Variants in C9orf85 observed in about 807,000 individuals in gnomAD.
The protein encoded by C9orf85 is uncharacterized protein C9orf85.
In C9orf85, 16 loss-of-function variants were observed where a neutral mutation model predicts 14.9. The observed-to-expected ratio is 1.08, with a 90% CI of 0.73 to 1.63. C9orf85 has a LOEUF of 1.63. Among genes scored for constraint, C9orf85 ranks in the 40% most tolerant of loss-of-function variants. The probability of loss-of-function intolerance (pLI) is 0.00; values close to 1 mark genes in which losing one functional copy is unlikely to be tolerated. For missense variants in C9orf85, 172 were observed against 186.1 expected, an observed-to-expected ratio of 0.92 and a Z score of 0.44; for synonymous variants, 45 against 56.8, an observed-to-expected ratio of 0.79 and a Z score of 0.93.
Position 71,915,183 on chromosome 9 carries a change from A to T in C9orf85, c.102+3347A>T, listed in dbSNP as rs868044040. On this transcript the variant is annotated intron_variant, in intron 1 of 3. Coordinates refer to ENST00000334731, the MANE Select transcript of C9orf85 (RefSeq NM_182505.5). ...GATCATTACAAAAATTATTATTATT[A>T]TTTTTTTTTTTTTTTTGAGACAGAG... is the stretch of plus-strand genomic sequence containing the variant. 3.6e-3 allele frequency among the ~76,000 whole-genome samples: 511 copies of T among 142,810 alleles called. 5 individuals are homozygous for T. Among genetic ancestry groups the T allele is most frequent in the African/African-American group, 0.012 (462 of 38,782 alleles). 93.7% of individuals were successfully genotyped at this position (142,810 alleles called of 152,430 possible).
At chr9:71,940,593 G>C (rs1821898456) in intron 1 of C9orf85, among the ~76,000 whole-genome samples, 1 of 152,154 alleles carries the variant, frequency 6.6e-6, no homozygotes, top group African/African-American at 2.4e-5. Context: ...TTCAAGTGCA[G>C]GAAATAATGT....
chr9:71,925,212 A>G (rs1000116613), intron 1 of C9orf85, among the ~76,000 whole-genome samples: 3 of 152,214 alleles, frequency 2.0e-5, no homozygotes, highest in Admixed American at 6.5e-5. Context: ...GGCTGACTGA[A>G]CATGTACTTA....
intron 2 of C9orf85, among the ~76,000 whole-genome samples, chr9:71,968,851 A>G (rs2132354819): frequency 6.6e-6 from 1 of 152,326 alleles, no homozygotes; most frequent in East Asian, 1.9e-4. Flanking sequence ...GTTGGACCAC[A>G]CAATCTAAGC....
intron 1 of C9orf85, among the ~76,000 whole-genome samples, chr9:71,934,221 G>A (rs1331714623): frequency 6.6e-6 from 1 of 152,076 alleles, no homozygotes; most frequent in Admixed American, 6.6e-5. Flanking sequence ...CCAGGCACCT[G>A]TAATCCCAGC....
At chr9:71,932,559 G>A (rs1027369831) in intron 1 of C9orf85, among the ~76,000 whole-genome samples, 1 of 152,098 alleles carries the variant, frequency 6.6e-6, no homozygotes, top group African/African-American at 2.4e-5. Flanking sequence ...ATCATTTTCT[G>A]TGTAACCATT....
chr9:71,924,855 A>G (rs1280209413), intron 1 of C9orf85, among the ~76,000 whole-genome samples: 2 of 152,236 alleles, frequency 1.3e-5, no homozygotes, highest in East Asian at 3.8e-4. Flanking sequence ...ATAAACTTGA[A>G]TGACATAATA....
chr9:71,968,937 A>T (rs547824388), intron 2 of C9orf85, among the ~76,000 whole-genome samples: 1 of 152,022 alleles, frequency 6.6e-6, no homozygotes, highest in East Asian at 1.9e-4. Context: ...GGCAGGAAAG[A>T]CGGTTATGGA....
intron 2 of C9orf85, among the ~76,000 whole-genome samples, chr9:71,952,583 G>T (rs1314022694): frequency 2.0e-5 from 3 of 152,040 alleles, no homozygotes; most frequent in African/African-American, 7.2e-5. Context: ...AGCCAGGATG[G>T]TCACCTCGTG....
At chr9:71,977,557 CTG>C (rs1485591515), downstream of C9orf85, among the ~76,000 whole-genome samples, 10 of 152,298 alleles carry the variant, frequency 6.6e-5, no homozygotes, top group East Asian at 1.5e-3. Flanking sequence ...AAAATTAAAA[CTG>C]ATAGATGTCA....
chr9:71,974,333 T>TC (rs1822964106), downstream of C9orf85, among the ~76,000 whole-genome samples: 1 of 150,552 alleles, frequency 6.6e-6, no homozygotes, highest in Non-Finnish European at 1.5e-5. Flanking sequence ...AGCCTCCACC[T>TC]CCCGGGTTCA....
chr9:71,913,979 C>A (rs1448433766), intron 1 of C9orf85, among the ~76,000 whole-genome samples: 1 of 152,128 alleles, frequency 6.6e-6, no homozygotes, highest in African/African-American at 2.4e-5. Context: ...AAGGTTCTGA[C>A]AAAAACAACA....
chr9:71,938,350 A>G (rs911840930), intron 1 of C9orf85, among the ~76,000 whole-genome samples: 4 of 152,096 alleles, frequency 2.6e-5, no homozygotes, highest in African/African-American at 4.8e-5. Flanking sequence ...CGGTAGTAGG[A>G]AACATTTGCC....
At chr9:71,951,102 CTT>C (rs1019193751) in intron 2 of C9orf85, among the ~76,000 whole-genome samples, 8 of 152,098 alleles carry the variant, frequency 5.3e-5, no homozygotes, top group Non-Finnish European at 4.4e-5. Flanking sequence ...GCATGTTTCT[CTT>C]TTTCTTTTTT....
At chr9:71,951,416 C>G (rs920016046) in intron 2 of C9orf85, among the ~76,000 whole-genome samples, 2 of 152,162 alleles carry the variant, frequency 1.3e-5, no homozygotes, top group Non-Finnish European at 1.5e-5. Context: ...AGCTTTAGGT[C>G]TTTATAGGAA....
chr9:71,950,970 C>T (rs1185702673), intron 2 of C9orf85, among the ~76,000 whole-genome samples: 4 of 152,130 alleles, frequency 2.6e-5, no homozygotes, highest in African/African-American at 9.7e-5. Flanking sequence ...TCCATTTGTT[C>T]GTGCGATCCA....
At position 71,970,829 on chromosome 9, in the gene C9orf85, CT is replaced by C. The variant is rs72263039; in HGVS notation, c.210-662del. Reference sequence around the variant, plus strand: ...CTTCTCAATATTCTCAATATTAAGTCTTTTTTTTTTTTTTCCTGAGATGGAG... The same window carrying C: ...CTTCTCAATATTCTCAATATTAAGTCTTTTTTTTTTTTTCCTGAGATGGAG... On this transcript the variant is annotated intron_variant, in intron 2 of 3. Coordinates refer to ENST00000334731, the MANE Select transcript of C9orf85 (RefSeq NM_182505.5). 1.1e-3 allele frequency among the ~76,000 whole-genome samples: 160 copies of C among 142,658 alleles called. 1 individual carries two copies. The highest frequency in any genetic ancestry group is 3.7e-3 in the African/African-American group (145 of 38,788). The allele number at this position is 142,658 out of a possible 152,430, so 93.6% of individuals were successfully genotyped here.
intron 2 of C9orf85, among the ~76,000 whole-genome samples, chr9:71,970,285 A>G (rs1461741311): frequency 1.3e-5 from 2 of 152,150 alleles, no homozygotes; most frequent in East Asian, 1.9e-4. Context: ...GGTTGGTTTC[A>G]TGGCCCAGAA....
intron 1 of C9orf85, among the ~76,000 whole-genome samples, chr9:71,922,473 C>G (rs73650535): frequency 0.026 from 3,941 of 152,238 alleles, 159 homozygotes; most frequent in African/African-American, 0.087. Flanking sequence ...AGCACTGTTT[C>G]CCTGTAATCC....
chr9:71,951,589 C>A (rs538511354), intron 2 of C9orf85, among the ~76,000 whole-genome samples: 1 of 152,280 alleles, frequency 6.6e-6, no homozygotes, highest in Admixed American at 6.5e-5. Flanking sequence ...TCCCTTGACA[C>A]AGGATGGCAT....
Sources: allele counts gnomAD v4.1 joint callset (sites outside exome capture counted in the v4.1 genomes callset), GRCh38; gene constraint gnomAD v4.1.1; transcripts MANE v1.5; gene names NCBI Gene and HGNC (gene_info 2026-07-23, HGNC 2026-07-21).